GPC3: variants seen among roughly 807,000 people sequenced by gnomAD.
The protein encoded by GPC3 is glypican 3.
Under a neutral mutation model 34.4 loss-of-function variants are expected in GPC3, and 3 were observed. That is an observed-to-expected ratio of 0.09 (90% CI 0.04 to 0.23). GPC3 has a LOEUF of 0.23. GPC3 is among the 10% of genes least tolerant of loss of function. GPC3 has a pLI of 1.00. For synonymous variants in GPC3, 177 were observed against 174.0 expected (o/e 1.02, Z -0.13); for missense variants, 351 against 445.6 (o/e 0.79, Z 1.91).
At chrX:133,938,697 T>G (rs2076332506) in intron 2 of GPC3, among the ~76,000 whole-genome samples, 1 of 112,298 alleles carries the variant, frequency 8.9e-6, no homozygotes, top group South Asian at 3.7e-4. Context: ...TACAAAATAT[T>G]TACCTTCTGC....
chrX:133,674,000 G>A (rs914255478), intron 5 of GPC3, among the ~76,000 whole-genome samples: 13 of 111,292 alleles, frequency 1.2e-4, no homozygotes, highest in Admixed American at 6.7e-4. Context: ...AGAGGTGGGC[G>A]GATTGCTTGA....
intron 2 of GPC3, among the ~76,000 whole-genome samples, chrX:133,806,742 G>A (rs781755100): frequency 1.4e-3 from 154 of 109,996 alleles, no homozygotes; most frequent in African/African-American, 4.4e-3. Flanking sequence ...TCCGCCTCCC[G>A]GGTTCATGTC....
At chrX:133,901,163 G>A (rs889109380) in intron 2 of GPC3, among the ~76,000 whole-genome samples, 1 of 111,735 alleles carries the variant, frequency 8.9e-6, no homozygotes, top group African/African-American at 3.2e-5. Flanking sequence ...CATATGAAAT[G>A]TTAACATTTG....
intron 1 of GPC3, among the ~76,000 whole-genome samples, chrX:133,981,924 A>T (rs1424902244): frequency 8.9e-6 from 1 of 111,975 alleles, no homozygotes; most frequent in Non-Finnish European, 1.9e-5. Flanking sequence ...CCAAGGCAAG[A>T]TCCCTCAATC....
rs2076471267 is a variant in GPC3, at chrX:133,967,926, C to G, written c.176-14715G>C. Among the ~76,000 whole-genome samples the G allele has an allele frequency of 4.4e-5, 5 of 112,632 alleles. No individual in the cohort carries two copies. The Admixed American group carries it at 4.7e-4, about 11-fold the overall frequency. ...GGGTGGCATGAGCCACCGTGTCCAG[C>G]CTGCTTTTTACTTTTTAAGGGAAAA... On this transcript the variant is annotated intron_variant, in intron 1 of 7. Transcript: ENST00000370818.
chrX:133,957,618 G>C (rs1234260359), intron 1 of GPC3, among the ~76,000 whole-genome samples: 1 of 111,817 alleles, frequency 8.9e-6, no homozygotes, highest in Non-Finnish European at 1.9e-5. Flanking sequence ...AAAAGCAGAT[G>C]ACTAAGGAGA....
At chrX:133,804,353 T>C (rs779405047) in intron 2 of GPC3, among the ~76,000 whole-genome samples, 13 of 110,502 alleles carry the variant, frequency 1.2e-4, no homozygotes, top group Admixed American at 1.2e-3. Context: ...AATCAGAATC[T>C]CCAAAGGCAG....
chrX:133,791,886 CTTTT>C (rs747084452), intron 2 of GPC3, among the ~76,000 whole-genome samples: 1 of 78,307 alleles, frequency 1.3e-5, no homozygotes. Flanking sequence ...TTCTTTCTTT[CTTTT>C]TTTTTTTTTT....
chrX:133,906,817 G>A (rs946264701), intron 2 of GPC3, among the ~76,000 whole-genome samples: 2 of 112,119 alleles, frequency 1.8e-5, no homozygotes, highest in African/African-American at 6.5e-5. Context: ...GGTGGCTCAC[G>A]CCTGTAATCC....
Position 133,985,282 on chromosome X carries a change from G to A in GPC3, c.168C>T (p.Pro56=), listed in dbSNP as rs188592483. 2 of 1,209,616 alleles carry A rather than the reference G, an allele frequency of 1.7e-6. No individual in the cohort carries two copies. Among genetic ancestry groups the A allele is most frequent in the Non-Finnish European group, 2.2e-6 (2 of 894,690 alleles). Residue 56 remains proline, a synonymous_variant, in exon 1 of 8, where the codon CCC becomes CCT. Coordinates refer to ENST00000370818, the MANE Select transcript of GPC3 (RefSeq NM_004484.4). ...QPGLKWVPET[P]VPGSDLQVCL... is the part of the protein sequence containing the mutation. ...CAAGGGACCCCTCCTCACCTGGCACGGGAGTTTCTGGCACCCACTTGAGTC... is the reference window on the plus strand; with the variant it reads ...CAAGGGACCCCTCCTCACCTGGCACAGGAGTTTCTGGCACCCACTTGAGTC...
At chrX:133,947,596 G>T (rs1376714849) in intron 2 of GPC3, among the ~76,000 whole-genome samples, 1 of 111,901 alleles carries the variant, frequency 8.9e-6, no homozygotes, top group Non-Finnish European at 1.9e-5. Context: ...TAAACACTCA[G>T]TTTCCAGTTG....
intron 5 of GPC3, among the ~76,000 whole-genome samples, chrX:133,688,220 T>C (rs903573716): frequency 1.8e-5 from 2 of 111,956 alleles, no homozygotes; most frequent in Non-Finnish European, 3.8e-5. Context: ...GCCTGTAGGA[T>C]ATGCTAGTGG....
At chrX:133,954,414 G>T (rs1455983626) in intron 1 of GPC3, among the ~76,000 whole-genome samples, 2 of 111,464 alleles carry the variant, frequency 1.8e-5, no homozygotes, top group Non-Finnish European at 3.8e-5. Flanking sequence ...CACTCTCATT[G>T]CCCAGGCTGG....
intron 6 of GPC3, among the ~76,000 whole-genome samples, chrX:133,649,652 G>C (rs2070577417): frequency 8.9e-6 from 1 of 111,772 alleles, no homozygotes; most frequent in Non-Finnish European, 1.9e-5. Context: ...GTTCTGGTCT[G>C]GAGATCTTTC....
chrX:133,968,626 A>T (rs1001889256), intron 1 of GPC3, among the ~76,000 whole-genome samples: 1 of 111,153 alleles, frequency 9.0e-6, no homozygotes, highest in Admixed American at 9.6e-5. Context: ...AATGTTAACG[A>T]TTATTAGCAC....
At chrX:133,770,324 T>C (rs2071903200) in intron 2 of GPC3, among the ~76,000 whole-genome samples, 1 of 111,747 alleles carries the variant, frequency 8.9e-6, no homozygotes, top group Admixed American at 9.5e-5. Context: ...GATGACCTAA[T>C]GAAATTGGAC....
chrX:133,933,650 T>A (rs1197416035), intron 2 of GPC3, among the ~76,000 whole-genome samples: 2 of 109,244 alleles, frequency 1.8e-5, no homozygotes, highest in African/African-American at 6.7e-5. Flanking sequence ...AATAGCGAGT[T>A]CTTTGGAGAT....
chrX:133,909,416 C>G (rs2076186011), intron 2 of GPC3, among the ~76,000 whole-genome samples: 1 of 112,149 alleles, frequency 8.9e-6, no homozygotes, highest in Non-Finnish European at 1.9e-5. Flanking sequence ...TAAAAACAGA[C>G]TACTAGGAGC....
chrX:133,719,679 T>C, intron 3 of GPC3, among the ~76,000 whole-genome samples: 1 of 112,133 alleles, frequency 8.9e-6, no homozygotes, highest in Non-Finnish European at 1.9e-5. Context: ...TAAATGCCTA[T>C]ATTAAAGAGA....
Sources: allele counts gnomAD v4.1 joint callset (sites outside exome capture counted in the v4.1 genomes callset), GRCh38; gene constraint gnomAD v4.1.1; transcripts MANE v1.5; gene names NCBI Gene and HGNC (gene_info 2026-07-23, HGNC 2026-07-21).